The following SLC24A3 variants were observed in gnomAD, a reference collection of about 807,000 sequenced individuals.
SLC24A3 encodes solute carrier family 24 member 3, also known as sodium/potassium/calcium exchanger 3.
SLC24A3 carries 28 observed loss-of-function variants against 75.8 expected under a neutral mutation model. The observed-to-expected ratio is 0.37, with a 90% CI of 0.27 to 0.51. The LOEUF is 0.51. SLC24A3 is among the 20% of genes least tolerant of loss of function. The pLI, the probability that SLC24A3 is intolerant of heterozygous loss-of-function variation, is 0.94. For missense variants in SLC24A3, 663 were observed against 847.8 expected (o/e 0.78, Z 2.71); for synonymous variants, 372 against 334.1 (o/e 1.11, Z -1.24).
At chr20:19,237,377 A>G (rs1294869039) in intron 1 of SLC24A3, among the ~76,000 whole-genome samples, 2 of 152,072 alleles carry the variant, frequency 1.3e-5, no homozygotes, top group Non-Finnish European at 2.9e-5. Flanking sequence ...CTGCTTTGCC[A>G]TCTGTAAGTC....
chr20:19,610,540 C>T (rs2031659283), intron 6 of SLC24A3, among the ~76,000 whole-genome samples: 1 of 152,138 alleles, frequency 6.6e-6, no homozygotes, highest in Non-Finnish European at 1.5e-5. Flanking sequence ...GTTTTGTATT[C>T]CCCAGAAGTA....
chr20:19,518,879 G>A (rs186645797), intron 3 of SLC24A3, among the ~76,000 whole-genome samples: 149 of 152,338 alleles, frequency 9.8e-4, no homozygotes, highest in African/African-American at 3.5e-3. Context: ...AGAGTCCCAA[G>A]GGCCCTAGGG....
intron 6 of SLC24A3, among the ~76,000 whole-genome samples, chr20:19,639,447 T>C (rs142142553): frequency 0.044 from 6,633 of 152,222 alleles, 497 homozygotes; most frequent in African/African-American, 0.15. Flanking sequence ...AGGGTGCTGA[T>C]TGGTGTATTT....
At chr20:19,569,749 C>A (rs1479206566) in intron 3 of SLC24A3, among the ~76,000 whole-genome samples, 2 of 152,160 alleles carry the variant, frequency 1.3e-5, no homozygotes, top group Non-Finnish European at 1.5e-5. Context: ...ATGCTCTTAA[C>A]CCCCTTCCCC....
rs1293284783 is a variant in SLC24A3 at position 19,685,193 on chromosome 20, G to A, written c.1156G>A (p.Gly386Arg). ...PIKHTVENGT[G>R]PSSAPDRGVN... is the part of the protein sequence containing the mutation. ...TAAGCACACCGTGGAGAATGGGACA[G>A]GGCCCAGCAGTGCCCCAGACAGGGG... The change falls in exon 12 of 17, where the codon GGG becomes AGG. Residue 386 changes from glycine (G) to arginine (R), a missense_variant. Around this residue, in one of 2 missense-constraint regions of SLC24A3, gnomAD observed 510 missense variants for 703.6 expected, o/e 0.72. Transcript: ENST00000328041. 1.2e-6 allele frequency: 2 copies of A among 1,614,102 alleles called. No individual in the cohort carries two copies. Among genetic ancestry groups the A allele is most frequent in the African/African-American group, 2.7e-5 (2 of 74,942 alleles).
intron 2 of SLC24A3, among the ~76,000 whole-genome samples, chr20:19,323,205 C>CAAAA (rs1172583632): frequency 3.1e-4 from 19 of 60,750 alleles, no homozygotes; most frequent in African/African-American, 5.6e-4. Context: ...GACTCCGTCT[C>CAAAA]AAAAAAAAAA....
intron 16 of SLC24A3, among the ~76,000 whole-genome samples, chr20:19,719,015 C>G (rs1568710425): frequency 6.6e-6 from 1 of 152,020 alleles, no homozygotes; most frequent in Non-Finnish European, 1.5e-5. Flanking sequence ...AGAGAAGGAA[C>G]AGTTTGGAGA....
chr20:19,373,168 G>A (rs577462210), intron 2 of SLC24A3, among the ~76,000 whole-genome samples: 5 of 152,136 alleles, frequency 3.3e-5, no homozygotes, highest in Admixed American at 2.0e-4. Context: ...TATTCACACC[G>A]AAGCTTTTAG....
intron 2 of SLC24A3, among the ~76,000 whole-genome samples, chr20:19,415,287 G>A (rs1986808192): frequency 6.6e-6 from 1 of 152,216 alleles, no homozygotes; most frequent in Non-Finnish European, 1.5e-5. Flanking sequence ...ATAAGCCTCA[G>A]GGCTGCACCT....
intron 6 of SLC24A3, among the ~76,000 whole-genome samples, chr20:19,587,809 C>T (rs751570711): frequency 3.9e-5 from 6 of 152,146 alleles, no homozygotes; most frequent in Non-Finnish European, 8.8e-5. Flanking sequence ...GTGTTGCCAT[C>T]AAGATGAATT....
intron 3 of SLC24A3, among the ~76,000 whole-genome samples, chr20:19,568,618 G>A (rs551997086): frequency 4.1e-4 from 62 of 152,258 alleles, no homozygotes; most frequent in South Asian, 1.2e-3. Flanking sequence ...AAAATGGGGA[G>A]TTATTGTTTA....
At chr20:19,575,318 T>A (rs199967981) in intron 3 of SLC24A3, among the ~76,000 whole-genome samples, 1 of 145,380 alleles carries the variant, frequency 6.9e-6, no homozygotes, top group East Asian at 2.1e-4. Flanking sequence ...CTCCTTGGGA[T>A]CCATCACTTC....
intron 1 of SLC24A3, among the ~76,000 whole-genome samples, chr20:19,276,107 A>G (rs1983478103): frequency 6.6e-6 from 1 of 152,136 alleles, no homozygotes; most frequent in South Asian, 2.1e-4. Flanking sequence ...AGCAGGGAGG[A>G]TAGCCAGTGT....
At chr20:19,326,365 G>T (rs1004091162) in intron 2 of SLC24A3, among the ~76,000 whole-genome samples, 3 of 152,124 alleles carry the variant, frequency 2.0e-5, no homozygotes, top group East Asian at 1.9e-4. Context: ...GGGACTATGG[G>T]CTGGGAGAGA....
chr20:19,310,904 A>G (rs1984441119), intron 2 of SLC24A3, among the ~76,000 whole-genome samples: 1 of 152,172 alleles, frequency 6.6e-6, no homozygotes, highest in Non-Finnish European at 1.5e-5. Flanking sequence ...GCCTTTTTTG[A>G]GCTTATAATC....
chr20:19,277,257 G>C (rs1056495270), intron 1 of SLC24A3, among the ~76,000 whole-genome samples: 1 of 152,180 alleles, frequency 6.6e-6, no homozygotes, highest in Non-Finnish European at 1.5e-5. Context: ...TTACAAAATG[G>C]AACTAGTATT....
intron 6 of SLC24A3, among the ~76,000 whole-genome samples, chr20:19,589,295 G>A (rs2031340507): frequency 6.6e-6 from 1 of 152,228 alleles, no homozygotes; most frequent in Admixed American, 6.5e-5. Flanking sequence ...CAGTTTAACT[G>A]GAGAGCCACT....
At chr20:19,488,139 C>T (rs1988154997) in intron 2 of SLC24A3, among the ~76,000 whole-genome samples, 1 of 152,208 alleles carries the variant, frequency 6.6e-6, no homozygotes, top group Non-Finnish European at 1.5e-5. Context: ...CTGGGTAGCG[C>T]ATTTTATTGT....
intron 2 of SLC24A3, among the ~76,000 whole-genome samples, chr20:19,373,102 C>A (rs553470611): frequency 6.6e-6 from 1 of 151,914 alleles, no homozygotes; most frequent in Admixed American, 6.6e-5. Flanking sequence ...GAGATCCTGG[C>A]AATGTCCTCT....
Sources: allele counts gnomAD v4.1 joint callset (sites outside exome capture counted in the v4.1 genomes callset), GRCh38; gene constraint gnomAD v4.1.1; regional missense constraint gnomAD v4.1.1; transcripts MANE v1.5; gene names NCBI Gene and HGNC (gene_info 2026-07-23, HGNC 2026-07-21).